The following ZNF169 variants were observed in gnomAD, a reference collection of about 807,000 sequenced individuals.
ZNF169 encodes zinc finger protein 169.
ZNF169 carries 11 observed loss-of-function variants against 12.0 expected under a neutral mutation model. The observed-to-expected ratio is 0.92, with a 90% CI of 0.58 to 1.52. ZNF169 has a LOEUF of 1.52. Ranked by LOEUF, ZNF169 falls within the 40% of genes most tolerant of loss-of-function variation. The pLI, the probability that ZNF169 is intolerant of heterozygous loss-of-function variation, is 0.00. For missense variants in ZNF169, 722 were observed against 744.0 expected, an observed-to-expected ratio of 0.97 and a Z score of 0.34; for synonymous variants, 302 against 286.5, an observed-to-expected ratio of 1.05 and a Z score of -0.55.
At chr9:94,289,537 C>T (rs192904936) in intron 2 of ZNF169, among the ~76,000 whole-genome samples, 1 of 152,188 alleles carries the variant, frequency 6.6e-6, no homozygotes, top group Admixed American at 6.5e-5. Flanking sequence ...CGCCTGTAAT[C>T]CCAGCACTTT....
chr9:94,277,758 C>T (rs1003662171), intron 1 of ZNF169, among the ~76,000 whole-genome samples: 1 of 151,572 alleles, frequency 6.6e-6, no homozygotes, highest in Non-Finnish European at 1.5e-5. Context: ...AGTGAAACCC[C>T]GTCTCTACTA....
intron 1 of ZNF169, among the ~76,000 whole-genome samples, chr9:94,273,787 G>T (rs1426455496): frequency 2.0e-5 from 3 of 152,030 alleles, no homozygotes; most frequent in Non-Finnish European, 2.9e-5. Flanking sequence ...CACCGTGTTA[G>T]CCAGGATGGT....
chr9:94,283,772 A>G (rs1830677906), intron 2 of ZNF169, among the ~76,000 whole-genome samples: 1 of 152,146 alleles, frequency 6.6e-6, no homozygotes, highest in African/African-American at 2.4e-5. Flanking sequence ...ACTTATTTTA[A>G]AAAGTATAAT....
At chr9:94,284,539 TGAATTAACCAAA>T (rs1357982257) in intron 2 of ZNF169, among the ~76,000 whole-genome samples, 20 of 152,190 alleles carry the variant, frequency 1.3e-4, no homozygotes, top group African/African-American at 4.6e-4. Context: ...TTAGAGCTAA[TGAATTAACCAAA>T]GTTGCAGGAT....
At chr9:94,287,388 C>T (rs766348174) in intron 2 of ZNF169, among the ~76,000 whole-genome samples, 3 of 148,076 alleles carry the variant, frequency 2.0e-5, no homozygotes, top group Non-Finnish European at 4.5e-5. Flanking sequence ...TGTTTTGAAA[C>T]GGAGTCTCGC....
intron 4 of ZNF169, among the ~76,000 whole-genome samples, chr9:94,296,410 G>A (rs1452834375): frequency 6.6e-6 from 1 of 152,064 alleles, no homozygotes; most frequent in Non-Finnish European, 1.5e-5. Flanking sequence ...TTGCAGTTTT[G>A]GTAGTGTATT....
chr9:94,270,415 T>C (rs965120595), intron 1 of ZNF169, among the ~76,000 whole-genome samples: 1 of 151,476 alleles, frequency 6.6e-6, no homozygotes, highest in Non-Finnish European at 1.5e-5. Context: ...AATGGTGAGA[T>C]GAGACATACT....
Position 94,292,427 on chromosome 9 carries a change from G to A in ZNF169, c.120G>A (p.Arg40=). 3 of 1,614,118 alleles carry A rather than the reference G, an allele frequency of 1.9e-6. No individual in the cohort carries two copies. Among genetic ancestry groups the A allele is most frequent in the African/African-American group, 1.3e-5 (1 of 75,038 alleles). Residue 40 remains arginine, a synonymous_variant, in exon 3 of 5, where the codon AGG becomes AGA. Coordinates refer to ENST00000395395, the MANE Select transcript of ZNF169 (RefSeq NM_194320.4). ...GTTCTGCTCAGAGGACCCTGTACAG[G>A]GAGGTGATGCTGGAGAACTACAGCC... The part of the protein sequence containing the change: ...LLSSAQRTLY[R]EVMLENYSHL...
intron 1 of ZNF169, among the ~76,000 whole-genome samples, chr9:94,268,785 C>CTAA (rs1830337054): frequency 1.8e-5 from 2 of 113,328 alleles, no homozygotes; most frequent in Non-Finnish European, 1.9e-5. Context: ...GACTCCATTT[C>CTAA]AAAAAAAAAA....
intron 1 of ZNF169, among the ~76,000 whole-genome samples, chr9:94,259,959 G>A (rs11790665): frequency 0.22 from 33,567 of 151,910 alleles, 3,976 homozygotes; most frequent in Non-Finnish European, 0.25. Flanking sequence ...GAGTGCAGTG[G>A]CGCAATCTCG....
intron 2 of ZNF169, among the ~76,000 whole-genome samples, chr9:94,291,085 TG>T (rs1191619631): frequency 2.2e-5 from 3 of 139,288 alleles, no homozygotes; most frequent in Non-Finnish European, 3.1e-5. Context: ...GATGGAGTTT[TG>T]CTCTGTTGCC....
Position 94,300,247 on chromosome 9 carries a change from A to T in ZNF169, c.689A>T (p.His230Leu). Residue 230 changes from histidine to leucine, a missense_variant, in exon 5 of 5, where the codon CAC becomes CTC. His to Leu is a moderately conservative substitution (Grantham distance 99). Coordinates refer to ENST00000395395, the MANE Select transcript of ZNF169 (RefSeq NM_194320.4). ...AGCAAAAAGTCAAGCCTGTTCAGCC[A>T]CCAGAAGCATCATGTGTGCCCTGAA... ...GLSKKSSLFS[H>L]QKHHVCPECG... 1 of 1,614,234 alleles carries T rather than the reference A, an allele frequency of 6.2e-7. No individual in the cohort carries two copies. The highest frequency in any genetic ancestry group is 8.5e-7 in the Non-Finnish European group (1 of 1,180,040).
chr9:94,279,353 T>C (rs1830582272), intron 2 of ZNF169, among the ~76,000 whole-genome samples: 2 of 151,726 alleles, frequency 1.3e-5, no homozygotes, highest in South Asian at 4.2e-4. Flanking sequence ...ATCGCGCCAC[T>C]GCACTCCAGC....
intron 3 of ZNF169, 173 bp downstream of exon 3, chr9:94,292,640 T>TGTGTGCAC (rs35889937): frequency 2.7e-6 from 2 of 741,220 alleles, no homozygotes; most frequent in African/African-American, 3.6e-5. Flanking sequence ...TGTGTGTGTG[T>TGTGTGCAC]GCGCGTGCAC....
intron 2 of ZNF169, among the ~76,000 whole-genome samples, chr9:94,291,615 A>G (rs1830839987): frequency 6.6e-6 from 1 of 152,200 alleles, no homozygotes. Context: ...AGTAAAGTTT[A>G]GTCAGCTTGC....
intron 1 of ZNF169, among the ~76,000 whole-genome samples, chr9:94,266,957 G>A (rs1397972099): frequency 6.8e-6 from 1 of 147,120 alleles, no homozygotes; most frequent in East Asian, 2.0e-4. Flanking sequence ...TCACCAGGCT[G>A]GAGTGCAGTG....
intron 2 of ZNF169, among the ~76,000 whole-genome samples, chr9:94,287,018 G>C (rs1417829479): frequency 6.6e-6 from 1 of 152,126 alleles, no homozygotes; most frequent in Non-Finnish European, 1.5e-5. Flanking sequence ...TCATCAATTA[G>C]GGTTAGGAAA....
At chr9:94,277,640 G>C (rs959674588) in intron 1 of ZNF169, among the ~76,000 whole-genome samples, 2 of 152,020 alleles carry the variant, frequency 1.3e-5, no homozygotes, top group Non-Finnish European at 2.9e-5. Context: ...GCAAGATTTA[G>C]AAAAATCAGG....
intron 4 of ZNF169, chr9:94,295,359 T>C (rs1286483919): frequency 6.6e-6 from 1 of 152,114 alleles, no homozygotes; most frequent in Non-Finnish European, 1.5e-5. Flanking sequence ...ATGATAAAAA[T>C]GTTATTAAGA....
Sources: allele counts gnomAD v4.1 joint callset (sites outside exome capture counted in the v4.1 genomes callset), GRCh38; gene constraint gnomAD v4.1.1; transcripts MANE v1.5; gene names NCBI Gene and HGNC (gene_info 2026-07-23, HGNC 2026-07-21).